RNH1: variants seen among roughly 807,000 people sequenced by gnomAD.
RNH1 encodes ribonuclease/angiogenin inhibitor 1.
RNH1 carries 38 observed loss-of-function variants against 46.1 expected under a neutral mutation model. The ratio of observed to expected loss-of-function variants is 0.82; its 90% CI spans 0.64 to 1.08. The LOEUF (loss-of-function observed/expected upper bound fraction) is 1.08, where lower values mean the gene tolerates loss of function less well. RNH1 is among the 50% of genes least tolerant of loss of function. The pLI, the probability that RNH1 is intolerant of heterozygous loss-of-function variation, is 0.00. For synonymous variants in RNH1, 319 were observed against 279.1 expected (o/e 1.14, Z -1.43); for missense variants, 577 against 590.7 (o/e 0.98, Z 0.24).
Position 495,053 on chromosome 11 carries a change from C to T in RNH1, c.1128G>A (p.Trp376Ter). 1 of 1,603,862 alleles carries T rather than the reference C, an allele frequency of 6.2e-7. No individual in the cohort carries two copies. ...TGTCACTCACATCGCAGTCGGCCAACCTGGGTGAAGCAGGGCGGGGGTCAG... is the reference window on the plus strand; with the variant it reads ...TGTCACTCACATCGCAGTCGGCCAATCTGGGTGAAGCAGGGCGGGGGTCAG... ...GQPGSVLRVL[W>*]LADCDVSDSS... The change falls in exon 10 of 11, where the codon TGG becomes TGA. Residue 376 changes from tryptophan (W) to a stop codon, truncating the protein, a stop_gained and splice_region_variant. Coordinates refer to ENST00000354420, the MANE Select transcript of RNH1 (RefSeq NM_203387.3). LOFTEE classifies it high-confidence loss of function.
intron 8 of RNH1, 137 bp downstream of exon 8, chr11:498,320 G>A (rs934692134): frequency 4.6e-6 from 6 of 1,296,210 alleles, no homozygotes; most frequent in Middle Eastern, 2.5e-4. Flanking sequence ...ACCACAGGCT[G>A]CTCCCTGGCC....
chr11:501,796 A>C lies in RNH1; in HGVS notation c.101+266T>G. 1 of 509,318 alleles carries C rather than the reference A, an allele frequency of 2.0e-6. No homozygotes were observed. The allele number at this position is 509,318 out of a possible 1,614,324, so 31.5% of individuals were successfully genotyped here. A position where few individuals can be genotyped will look rare whatever the true frequency, so the allele number is the denominator to read the frequency against. ...CCAAGGGAGGGAGAGGAGCTGAGAC[A>C]CCGGAGCCAGAGACCCACTGGCCAG... On this transcript the variant is annotated intron_variant, in intron 3 of 10. Transcript: ENST00000354420. The surrounding 1 kb of genome is among the most constrained non-coding windows in gnomAD (Gnocchi z 4.1).
intron 8 of RNH1, 141 bp downstream of exon 8, chr11:498,316 G>A: frequency 7.8e-7 from 1 of 1,287,710 alleles, no homozygotes; most frequent in Non-Finnish European, 1.1e-6. Context: ...TCAAACCACA[G>A]GCTGCTCCCT....
At chr11:496,770 C>T (rs958740606) in intron 9 of RNH1, among the ~76,000 whole-genome samples, 1 of 152,256 alleles carries the variant, frequency 6.6e-6, no homozygotes, top group Non-Finnish European at 1.5e-5. Flanking sequence ...AAAATTACCT[C>T]CTGCAAAACC....
In RNH1 at chr11:502,303, T is replaced by C; in HGVS notation, c.-87-54A>G. ...TTCAGGAGGAGCCGCAGCCTCTCCC[T>C]GGGCAAACACTTCCTCTTCAGCACC... On this transcript the variant is annotated intron_variant, in intron 2 of 10. Transcript: ENST00000354420. The surrounding 1 kb of genome is among the most constrained non-coding windows in gnomAD (Gnocchi z 5.8). 5.9e-6 allele frequency: 4 copies of C among 680,098 alleles called. No individual in the cohort carries two copies. The highest frequency in any genetic ancestry group is 1.1e-5 in the Non-Finnish European group (4 of 380,586). The allele number at this position is 680,098 out of a possible 1,614,324, so 42.1% of individuals were successfully genotyped here.
chr11:495,192 G>A, intron 9 of RNH1, 139 bp from the exon 10 acceptor site: 2 of 846,516 alleles, frequency 2.4e-6, no homozygotes, highest in African/African-American at 1.7e-5. Flanking sequence ...CGTCCCCAAG[G>A]CTCACCGTCC....
chr11:499,954 G>A lies in RNH1; in HGVS notation c.318C>T (p.Ser106=), dbSNP rs1849591613. ...CLTGAGCGVL[S]STLRTLPTLQ... Reference sequence around the variant, plus strand: ...GGGTGGGCAGGGTGCGTAGTGTGCTGGACAGGACCCCGCAGCCGGCCCCCG... The same window carrying A: ...GGGTGGGCAGGGTGCGTAGTGTGCTAGACAGGACCCCGCAGCCGGCCCCCG... The change falls in exon 5 of 11, where the codon TCC becomes TCT. Residue 106 remains serine, a synonymous_variant. Coordinates refer to ENST00000354420, the MANE Select transcript of RNH1 (RefSeq NM_203387.3). 2 of 1,607,346 alleles carry A rather than the reference G, an allele frequency of 1.2e-6. No individual in the cohort carries two copies. Among genetic ancestry groups the A allele is most frequent in the Non-Finnish European group, 1.7e-6 (2 of 1,177,588 alleles).
At chr11:500,411 G>A (rs561731822) in intron 4 of RNH1, 73 bp downstream of exon 4, 72 of 1,528,988 alleles carry the variant, frequency 4.7e-5, no homozygotes, top group South Asian at 1.5e-4. Flanking sequence ...CGCCCCTGGC[G>A]GCTCTGTCCC....
intron 9 of RNH1, among the ~76,000 whole-genome samples, 198 bp downstream of exon 9, chr11:497,773 G>A (rs1380794956): frequency 6.6e-6 from 1 of 150,642 alleles, no homozygotes; most frequent in Non-Finnish European, 1.5e-5. Context: ...ACGGACACGT[G>A]CTCACTCTCA....
chr11:498,864 C>CCCAAGGCCCA lies in RNH1; in HGVS notation c.683_684insTGGGCCTTGG (p.Leu229GlyfsTer16). On this transcript the variant is annotated frameshift_variant, in exon 7 of 11. Coordinates refer to ENST00000354420, the MANE Select transcript of RNH1 (RefSeq NM_203387.3). LOFTEE classifies it high-confidence loss of function. ...TGCTGCCCAGGGCCAGCTCCCGCAG[C>CCCAAGGCCCA]GAGGCCTTGGAGGCCACAATGCCGC... is the stretch of plus-strand genomic sequence containing the variant. 2.3e-5 allele frequency: 37 copies of CCCAAGGCCCA among 1,612,062 alleles called. No homozygotes were observed. The highest frequency in any genetic ancestry group is 3.0e-5 in the Non-Finnish European group (35 of 1,179,766).
At chr11:504,487 G>A (rs1565041769) in intron 2 of RNH1, 1 of 152,238 alleles carries the variant, frequency 6.6e-6, no homozygotes, top group Non-Finnish European at 1.5e-5. Flanking sequence ...GCCCAGGCGG[G>A]GGCGGGCGGA....
In RNH1 at chr11:501,318, G is replaced by A. The variant is rs1329571941; in HGVS notation, c.102-664C>T. 4 of 173,888 alleles carry A rather than the reference G, an allele frequency of 2.3e-5. No individual in the cohort carries two copies. The East Asian group carries it at 6.4e-4, about 28-fold the overall frequency. 10.8% of individuals were successfully genotyped at this position (173,888 alleles called of 1,614,324 possible). A position where few individuals can be genotyped will look rare whatever the true frequency, so the allele number is the denominator to read the frequency against. ...AGAAACCACCAGACAAGCCCCAACAGAGGACGTCCTGCAGGAGCCTGGCCA... is the reference window on the plus strand; with the variant it reads ...AGAAACCACCAGACAAGCCCCAACAAAGGACGTCCTGCAGGAGCCTGGCCA... On this transcript the variant is annotated intron_variant, in intron 3 of 10. Transcript: ENST00000354420. This position sits in a 1 kb window ranked among gnomAD's most constrained non-coding sequence, Gnocchi z 4.1.
At chr11:503,933 C>T (rs1849986760) in intron 2 of RNH1, among the ~76,000 whole-genome samples, 1 of 152,208 alleles carries the variant, frequency 6.6e-6, no homozygotes. Flanking sequence ...AGTAAACGCC[C>T]TTCTCTGTGA....
intron 9 of RNH1, among the ~76,000 whole-genome samples, chr11:496,510 G>A (rs2133872104): frequency 6.6e-6 from 1 of 152,224 alleles, no homozygotes; most frequent in South Asian, 2.1e-4. Context: ...TCTACTAAAA[G>A]TACAAAAAAT....
rs1849840877 is a variant in RNH1, at chr11:502,531, G to A, written c.-87-282C>T. On this transcript the variant is annotated intron_variant, in intron 2 of 10. Coordinates refer to ENST00000354420, the MANE Select transcript of RNH1 (RefSeq NM_203387.3). This position sits in a 1 kb window ranked among gnomAD's most constrained non-coding sequence, Gnocchi z 5.8. ...GACAGCAGCAGCCCGGGAAGCCCCT[G>A]CCTCTCATTTGCTTGGGCAAGGACA... is the stretch of plus-strand genomic sequence containing the variant. 3 of 336,392 alleles carry A rather than the reference G, an allele frequency of 8.9e-6. No homozygotes were observed. The highest frequency in any genetic ancestry group is 1.7e-5 in the Non-Finnish European group (3 of 174,062). The allele number at this position is 336,392 out of a possible 1,614,324, so 20.8% of individuals were successfully genotyped here.
At chr11:497,508 C>CACACAG (rs1849249770) in intron 9 of RNH1, among the ~76,000 whole-genome samples, 5 of 150,002 alleles carry the variant, frequency 3.3e-5, no homozygotes, top group East Asian at 2.0e-4. Context: ...CACTCGTGCT[C>CACACAG]ATTCTTGCCC....
intron 8 of RNH1, 35 bp from the exon 9 acceptor site, chr11:498,176 G>A (rs774256528): frequency 1.9e-6 from 3 of 1,579,022 alleles, no homozygotes; most frequent in Non-Finnish European, 2.6e-6. Flanking sequence ...CCTGGCAGGG[G>A]CCCAGGCTGG....
At chr11:504,340 G>A (rs1412895956) in intron 2 of RNH1, 1 of 152,264 alleles carries the variant, frequency 6.6e-6, no homozygotes, top group Non-Finnish European at 1.5e-5. Flanking sequence ...CAGACTAAAG[G>A]GCTGGGAGGA....
intron 3 of RNH1, chr11:500,961 T>C (rs1018324689): frequency 2.3e-6 from 1 of 438,216 alleles, no homozygotes; most frequent in Non-Finnish European, 4.3e-6. Flanking sequence ...AAACCCCGTC[T>C]TTACTAAAAA....
Sources: allele counts gnomAD v4.1 joint callset (sites outside exome capture counted in the v4.1 genomes callset), GRCh38; gene constraint gnomAD v4.1.1; non-coding constraint Gnocchi (gnomAD v3.1); transcripts MANE v1.5; gene names NCBI Gene and HGNC (gene_info 2026-07-23, HGNC 2026-07-21).